The following NTM variants were observed in gnomAD, a reference collection of about 807,000 sequenced individuals.
NTM encodes the protein neurotrimin, also known as IgLON family member 2.
A neutral mutation model predicts 42.1 loss-of-function variants in NTM; 13 were observed. The ratio of observed to expected loss-of-function variants is 0.31; its 90% confidence interval spans 0.20 to 0.49. The LOEUF is 0.49. Ranked by LOEUF, NTM falls within the 20% of genes least tolerant of loss-of-function variation. The pLI, the probability that NTM is intolerant of heterozygous loss-of-function variation, is 0.99. For synonymous variants in NTM, 187 were observed against 179.2 expected (o/e 1.04, Z -0.35); for missense variants, 373 against 452.8 (o/e 0.82, Z 1.60).
chr11:131,413,820 AG>A (rs1348108373), intron 1 of NTM, among the ~76,000 whole-genome samples: 1 of 152,150 alleles, frequency 6.6e-6, no homozygotes, highest in Non-Finnish European at 1.5e-5. Context: ...GGAGATGAAA[AG>A]GCAGGAAAAA....
intron 2 of NTM, among the ~76,000 whole-genome samples, chr11:132,124,059 C>T (rs191504864): frequency 1.3e-5 from 2 of 152,124 alleles, no homozygotes; most frequent in African/African-American, 2.4e-5. Flanking sequence ...TGTTTACTAC[C>T]ACACAGAGTG....
chr11:131,587,353 C>A (rs1427008805), intron 1 of NTM, among the ~76,000 whole-genome samples: 1 of 151,610 alleles, frequency 6.6e-6, no homozygotes, highest in Non-Finnish European at 1.5e-5. Flanking sequence ...GAGGCTGAGG[C>A]AGGAGAATGG....
chr11:132,003,913 G>C lies in NTM; in HGVS notation c.167+92265G>C, dbSNP rs1269883748. Among the ~76,000 whole-genome samples, 1 of 152,188 alleles carries C rather than the reference G, an allele frequency of 6.6e-6. No individual in the cohort carries two copies. The highest frequency in any genetic ancestry group is 1.5e-5 in the Non-Finnish European group (1 of 68,032). On this transcript the variant is annotated intron_variant, in intron 2 of 8. Transcript: ENST00000683400. This position sits in a 1 kb window ranked among gnomAD's most constrained non-coding sequence, Gnocchi z 6.0. ...TAGACTTCTTTTTGAACATTCTTTA[G>C]CCACTCGATGGCCCAGAGCCCCATC...
chr11:132,100,859 A>G (rs1325198131), intron 2 of NTM, among the ~76,000 whole-genome samples: 1 of 152,220 alleles, frequency 6.6e-6, no homozygotes, highest in Non-Finnish European at 1.5e-5. Flanking sequence ...ATGGAATTTC[A>G]TCAGATGGTG....
At chr11:131,423,341 T>G (rs1947727686) in intron 1 of NTM, among the ~76,000 whole-genome samples, 1 of 152,168 alleles carries the variant, frequency 6.6e-6, no homozygotes, top group South Asian at 2.1e-4. Context: ...ATTTTCTGTT[T>G]CTCCATATTC....
intron 2 of NTM, among the ~76,000 whole-genome samples, chr11:131,942,258 A>G (rs777452313): frequency 8.5e-5 from 13 of 152,218 alleles, no homozygotes; most frequent in Admixed American, 2.0e-4. Flanking sequence ...CTAACACAAC[A>G]CATATTAATT....
At chr11:131,658,886 G>C (rs1046380931) in intron 1 of NTM, among the ~76,000 whole-genome samples, 1 of 152,082 alleles carries the variant, frequency 6.6e-6, no homozygotes, top group Non-Finnish European at 1.5e-5. Context: ...CACGAGAATC[G>C]CTTGAACCAG....
At chr11:131,993,358 A>C (rs1157143493) in intron 2 of NTM, among the ~76,000 whole-genome samples, 1 of 152,122 alleles carries the variant, frequency 6.6e-6, no homozygotes, top group East Asian at 1.9e-4. Flanking sequence ...CTGAAGGACA[A>C]GGAATGCATC....
At chr11:131,788,100 C>T (rs977607299) in intron 1 of NTM, among the ~76,000 whole-genome samples, 4 of 152,120 alleles carry the variant, frequency 2.6e-5, no homozygotes, top group African/African-American at 9.7e-5. Context: ...CTCCCCTGCT[C>T]TTTTTAATTT....
chr11:132,037,002 T>C (rs2076586235), intron 2 of NTM, among the ~76,000 whole-genome samples: 1 of 152,180 alleles, frequency 6.6e-6, no homozygotes, highest in South Asian at 2.1e-4. Flanking sequence ...TGATTCACAG[T>C]CTGCTACTCT....
rs371448433 is a variant in NTM, at chr11:132,031,521, G to A, written c.168-114761G>A. Among the ~76,000 whole-genome samples, 169 of 152,230 alleles carry A rather than the reference G, an allele frequency of 1.1e-3. 1 individual carries two copies. Among genetic ancestry groups the A allele is most frequent in the African/African-American group, 3.9e-3 (160 of 41,542 alleles). The stretch of plus-strand genomic sequence containing the variant: ...GTTTCGAGAATTGGTTGGTAGATTG[G>A]GTGTTGGTATGAGATAAAGAGATGG... On this transcript the variant is annotated intron_variant, in intron 2 of 8. Coordinates refer to ENST00000683400, the MANE Select transcript of NTM (RefSeq NM_001352005.2).
intron 2 of NTM, among the ~76,000 whole-genome samples, chr11:132,028,583 T>C (rs1294466496): frequency 6.6e-6 from 1 of 152,144 alleles, no homozygotes; most frequent in Non-Finnish European, 1.5e-5. Context: ...AAATCTTCTA[T>C]AGAGCCATGA....
Position 131,391,386 on chromosome 11 carries a change from G to A in NTM, c.82+20498G>A, listed in dbSNP as rs559982674. On this transcript the variant is annotated intron_variant, in intron 1 of 8. Transcript: ENST00000683400. Reference sequence around the variant, plus strand: ...CTTGGCCCTCCCCGCCCCACTCCTTGCCTCATGTTAATTTCCCACCTGAGT... The same window carrying A: ...CTTGGCCCTCCCCGCCCCACTCCTTACCTCATGTTAATTTCCCACCTGAGT... 9.2e-5 allele frequency among the ~76,000 whole-genome samples: 14 copies of A among 152,112 alleles called. No homozygotes were observed. The East Asian group carries it at 2.5e-3, about 27-fold the overall frequency.
intron 2 of NTM, among the ~76,000 whole-genome samples, chr11:132,041,308 G>A (rs1425068264): frequency 6.6e-6 from 1 of 150,972 alleles, no homozygotes; most frequent in African/African-American, 2.4e-5. Context: ...CCTTTTTGTT[G>A]TTGTTTTTTA....
intron 1 of NTM, among the ~76,000 whole-genome samples, chr11:131,904,864 G>A (rs948161274): frequency 6.6e-6 from 1 of 152,168 alleles, no homozygotes; most frequent in Non-Finnish European, 1.5e-5. Context: ...GGGGGCCACG[G>A]CTCTTCCTGC....
At chr11:131,486,365 G>C (rs1056944446) in intron 1 of NTM, among the ~76,000 whole-genome samples, 2 of 152,178 alleles carry the variant, frequency 1.3e-5, no homozygotes, top group Admixed American at 6.5e-5. Flanking sequence ...CGTTGTACAA[G>C]AATGTAGGTT....
intron 2 of NTM, among the ~76,000 whole-genome samples, chr11:131,925,357 G>T (rs1431576394): frequency 1.4e-5 from 2 of 142,604 alleles, no homozygotes; most frequent in Admixed American, 7.0e-5. Flanking sequence ...CACTATTAGA[G>T]TTCCTTTTTT....
intron 3 of NTM, among the ~76,000 whole-genome samples, chr11:132,203,990 C>T (rs181756352): frequency 5.2e-4 from 79 of 152,282 alleles, no homozygotes; most frequent in African/African-American, 1.6e-3. Context: ...CTCTGAGTAT[C>T]GGTATCCTCA....
rs1175913051 is a variant in NTM, at chr11:131,940,219, G to T, written c.167+28571G>T. On this transcript the variant is annotated intron_variant, in intron 2 of 8. Transcript: ENST00000683400. Reference sequence around the variant, plus strand: ...TGCTGGATGTTTCCCCAGGATTGTGGTTTCTTATATTTACTCCTGATCTAA... The same window carrying T: ...TGCTGGATGTTTCCCCAGGATTGTGTTTTCTTATATTTACTCCTGATCTAA... 3.3e-5 allele frequency among the ~76,000 whole-genome samples: 5 copies of T among 152,080 alleles called. No individual in the cohort carries two copies. In the South Asian group the frequency reaches 6.2e-4, roughly 19 times the overall value.
Sources: allele counts gnomAD v4.1 joint callset (sites outside exome capture counted in the v4.1 genomes callset), GRCh38; gene constraint gnomAD v4.1.1; non-coding constraint Gnocchi (gnomAD v3.1); transcripts MANE v1.5; gene names NCBI Gene and HGNC (gene_info 2026-07-23, HGNC 2026-07-21).